The following DOK6 variants were observed in gnomAD, a reference collection of about 807,000 sequenced individuals.
The protein encoded by DOK6 is downstream of tyrosine kinase 6.
DOK6 carries 22 observed loss-of-function variants against 44.0 expected under a neutral mutation model. That is an observed-to-expected ratio of 0.50 (90% CI 0.36 to 0.71). DOK6 has a LOEUF of 0.71. Ranked by LOEUF, DOK6 falls within the 30% of genes least tolerant of loss-of-function variation. DOK6 has a pLI of 0.00. For missense variants in DOK6, 340 were observed against 416.4 expected, an observed-to-expected ratio of 0.82 and a Z score of 1.60; for synonymous variants, 166 against 145.5, an observed-to-expected ratio of 1.14 and a Z score of -1.01.
rs139141733 is a variant in DOK6 at position 69,571,406 on chromosome 18, G to A, written c.174+6812G>A. Reference sequence around the variant, plus strand: ...TTAAAGCCAATCCATGAATAATTACGTTGTGTTAGTAAACATTCCAATTAA... The same window carrying A: ...TTAAAGCCAATCCATGAATAATTACATTGTGTTAGTAAACATTCCAATTAA... On this transcript the variant is annotated intron_variant, in intron 2 of 7. Transcript: ENST00000382713. Among the ~76,000 whole-genome samples the A allele has an allele frequency of 1.1e-4, 16 of 152,020 alleles. No homozygotes were observed. The East Asian group carries it at 2.1e-3, about 20-fold the overall frequency.
intron 7 of DOK6, among the ~76,000 whole-genome samples, chr18:69,810,512 T>C (rs773464393): frequency 1.3e-5 from 2 of 151,856 alleles, no homozygotes; most frequent in Non-Finnish European, 2.9e-5. Flanking sequence ...AAGGAAACAA[T>C]CAACAGTGTG....
chr18:69,520,010 C>G (rs1269999262), intron 1 of DOK6, among the ~76,000 whole-genome samples: 3 of 151,670 alleles, frequency 2.0e-5, no homozygotes, highest in Non-Finnish European at 3.0e-5. Context: ...GCACTGTTAG[C>G]CTGAGCAGCT....
At chr18:69,590,782 AAG>A (rs1205823663) in intron 2 of DOK6, among the ~76,000 whole-genome samples, 1 of 152,160 alleles carries the variant, frequency 6.6e-6, no homozygotes, top group Non-Finnish European at 1.5e-5. Flanking sequence ...TCGGAAGAGA[AAG>A]AGTGAGGGCT....
intron 4 of DOK6, among the ~76,000 whole-genome samples, chr18:69,680,421 G>T (rs908200700): frequency 6.6e-6 from 1 of 152,170 alleles, no homozygotes; most frequent in Admixed American, 6.5e-5. Context: ...CCTCTTTAAA[G>T]AACTTCCATA....
intron 1 of DOK6, among the ~76,000 whole-genome samples, chr18:69,476,397 G>A (rs964947004): frequency 2.2e-4 from 34 of 151,606 alleles, no homozygotes; most frequent in Admixed American, 1.2e-3. Context: ...GAAAACTCAG[G>A]AATTTTGTTT....
At chr18:69,563,006 T>G (rs557924514) in intron 1 of DOK6, among the ~76,000 whole-genome samples, 1 of 152,286 alleles carries the variant, frequency 6.6e-6, no homozygotes, top group Admixed American at 6.5e-5. Flanking sequence ...GAACAGACAC[T>G]TCTCAAAAGA....
chr18:69,630,114 T>A (rs1451458032), intron 3 of DOK6, among the ~76,000 whole-genome samples: 1 of 152,130 alleles, frequency 6.6e-6, no homozygotes. Context: ...CATTTGATGG[T>A]AGTTTTTTTT....
chr18:69,426,176 G>A (rs1212499352), intron 1 of DOK6, among the ~76,000 whole-genome samples: 1 of 152,040 alleles, frequency 6.6e-6, no homozygotes, highest in East Asian at 1.9e-4. Flanking sequence ...CTGCATATGT[G>A]TAGGTAATAT....
intron 7 of DOK6, chr18:69,781,202 T>G (rs944792967): frequency 2.6e-5 from 4 of 152,172 alleles, no homozygotes; most frequent in African/African-American, 9.7e-5. Flanking sequence ...AAAGAGGATT[T>G]TTTTCTATAG....
intron 7 of DOK6, among the ~76,000 whole-genome samples, chr18:69,793,505 A>G (rs558601094): frequency 2.3e-4 from 35 of 152,326 alleles, no homozygotes; most frequent in African/African-American, 7.9e-4. Flanking sequence ...GCCACTTTAC[A>G]TGTGTAATTA....
intron 1 of DOK6, among the ~76,000 whole-genome samples, chr18:69,423,950 TA>T (rs1978565932): frequency 1.3e-5 from 2 of 152,238 alleles, no homozygotes; most frequent in African/African-American, 4.8e-5. Context: ...TGTATTTCTT[TA>T]AATAATATTT....
chr18:69,663,842 G>A (rs1183116391), intron 3 of DOK6, among the ~76,000 whole-genome samples: 1 of 152,192 alleles, frequency 6.6e-6, no homozygotes, highest in African/African-American at 2.4e-5. Flanking sequence ...CGGCTATTTA[G>A]TGCCTATTGT....
chr18:69,405,303 T>G (rs1916181794), intron 1 of DOK6, among the ~76,000 whole-genome samples: 2 of 152,156 alleles, frequency 1.3e-5, no homozygotes, highest in African/African-American at 4.8e-5. Flanking sequence ...AATTCACCCT[T>G]TTATAGAAGC....
chr18:69,607,644 T>C (rs1984034250), intron 3 of DOK6, among the ~76,000 whole-genome samples: 1 of 152,194 alleles, frequency 6.6e-6, no homozygotes, highest in South Asian at 2.1e-4. Flanking sequence ...ATTTAAAATT[T>C]ATATGGAATA....
intron 1 of DOK6, among the ~76,000 whole-genome samples, chr18:69,488,584 G>A (rs1980648392): frequency 6.6e-6 from 1 of 152,196 alleles, no homozygotes; most frequent in Admixed American, 6.5e-5. Flanking sequence ...CAATCATGGG[G>A]GGAGGTGAAG....
intron 1 of DOK6, among the ~76,000 whole-genome samples, chr18:69,423,016 A>G (rs949614136): frequency 3.9e-5 from 6 of 152,162 alleles, no homozygotes; most frequent in Admixed American, 3.3e-4. Flanking sequence ...TAACATAGAA[A>G]AATGTGGCCA....
chr18:69,540,682 G>A (rs924688017), intron 1 of DOK6, among the ~76,000 whole-genome samples: 22 of 151,586 alleles, frequency 1.5e-4, no homozygotes, highest in African/African-American at 3.2e-4. Flanking sequence ...CAATGATTAC[G>A]GTATGTATAT....
At chr18:69,520,275 A>T (rs938624198) in intron 1 of DOK6, among the ~76,000 whole-genome samples, 5 of 144,580 alleles carry the variant, frequency 3.5e-5, no homozygotes, top group Non-Finnish European at 6.2e-5. Context: ...TATTAGACCT[A>T]GTCAAAAATA....
At chr18:69,484,226 G>T (rs1198496886) in intron 1 of DOK6, among the ~76,000 whole-genome samples, 2 of 151,458 alleles carry the variant, frequency 1.3e-5, no homozygotes, top group African/African-American at 4.9e-5. Context: ...AAAGCATTTT[G>T]ATTAACTGGT....
Sources: gnomAD v4.1 joint callset for allele counts (sites outside exome capture counted in the v4.1 genomes callset) on GRCh38, gnomAD v4.1.1 for gene constraint, MANE v1.5 for transcripts, NCBI Gene and HGNC (gene_info 2026-07-23, HGNC 2026-07-21) for gene names.